The following BRD10 variants were observed in gnomAD, a reference collection of about 807,000 sequenced individuals.
BRD10 encodes uncharacterized bromodomain-containing protein 10.
At chr9:5,937,306 G>A in the BRD10 span, among the ~76,000 whole-genome samples, 1 of 151,978 alleles carries the variant, frequency 6.6e-6, no homozygotes, top group African/African-American at 2.4e-5. Flanking sequence ...GGAGGCCGAG[G>A]CGGGTGGATC....
the BRD10 span, among the ~76,000 whole-genome samples, chr9:5,996,847 T>C: frequency 6.6e-6 from 1 of 152,210 alleles, no homozygotes; most frequent in African/African-American, 2.4e-5. Context: ...TTCCTACTTC[T>C]CAGGAGTTCT....
At chr9:5,997,982 T>A in the BRD10 span, among the ~76,000 whole-genome samples, 117 of 152,236 alleles carry the variant, frequency 7.7e-4, no homozygotes, top group African/African-American at 2.8e-3. Flanking sequence ...GTGGTAACAA[T>A]AGAAAGAAAT....
chr9:5,991,012 C>A, the BRD10 span, among the ~76,000 whole-genome samples: 1 of 152,120 alleles, frequency 6.6e-6, no homozygotes, highest in African/African-American at 2.4e-5. Flanking sequence ...AACATTACAA[C>A]ATGGAAGAGC....
chr9:5,952,153 TG>T, the BRD10 span, among the ~76,000 whole-genome samples: 4 of 152,090 alleles, frequency 2.6e-5, no homozygotes, highest in Non-Finnish European at 5.9e-5. Context: ...CCCGGGTAGA[TG>T]GGATTACAGG....
the BRD10 span, among the ~76,000 whole-genome samples, chr9:5,975,089 C>G: frequency 6.6e-6 from 1 of 152,006 alleles, no homozygotes; most frequent in South Asian, 2.1e-4. Flanking sequence ...GAAAAATGAC[C>G]CATGATGAGA....
At chr9:5,959,949 T>C in the BRD10 span, among the ~76,000 whole-genome samples, 1 of 152,214 alleles carries the variant, frequency 6.6e-6, no homozygotes, top group Non-Finnish European at 1.5e-5. Context: ...TTTCTTTAAT[T>C]GTGCTTCTTC....
the BRD10 span, among the ~76,000 whole-genome samples, chr9:5,993,474 T>G: frequency 6.6e-6 from 1 of 152,176 alleles, no homozygotes; most frequent in Non-Finnish European, 1.5e-5. Flanking sequence ...AAGGGACTAT[T>G]TACAAATGTG....
At chr9:5,907,187 T>C in the BRD10 span, 1 of 364,844 alleles carries the variant, frequency 2.7e-6, no homozygotes, top group Non-Finnish European at 4.8e-6. Flanking sequence ...TAAATAATAA[T>C]AAAAAACAAG....
the BRD10 span, among the ~76,000 whole-genome samples, chr9:6,000,809 C>A: frequency 6.6e-6 from 1 of 152,220 alleles, no homozygotes; most frequent in East Asian, 1.9e-4. Flanking sequence ...AATCATAACC[C>A]TAATCTTTTT....
the BRD10 span, chr9:5,920,217 T>C: frequency 3.1e-6 from 5 of 1,613,826 alleles, no homozygotes; most frequent in East Asian, 8.9e-5. Context: ...CCTTGGCCAC[T>C]GTTAAGAACT....
At chr9:5,879,380 A>G in the BRD10 span, among the ~76,000 whole-genome samples, 2 of 152,126 alleles carry the variant, frequency 1.3e-5, no homozygotes, top group Non-Finnish European at 2.9e-5. Context: ...TCTCAAAAAA[A>G]AAAGAGAGAA....
At chr9:5,928,951 C>G in the BRD10 span, 8 of 632,606 alleles carry the variant, frequency 1.3e-5, no homozygotes, top group African/African-American at 1.3e-4. Context: ...TTACAAATGA[C>G]TGGAAAACTA....
At chr9:5,972,195 G>C in the BRD10 span, among the ~76,000 whole-genome samples, 1 of 152,158 alleles carries the variant, frequency 6.6e-6, no homozygotes, top group Admixed American at 6.5e-5. Flanking sequence ...AAGATATTAG[G>C]AGGGATAGGA....
chr9:5,882,186 T>C, the BRD10 span, among the ~76,000 whole-genome samples: 2 of 152,126 alleles, frequency 1.3e-5, no homozygotes, highest in Non-Finnish European at 2.9e-5. Context: ...ATGGTCACCA[T>C]TTGCCAAATG....
the BRD10 span, chr9:5,969,208 T>C: frequency 1.2e-6 from 2 of 1,613,808 alleles, no homozygotes; most frequent in Non-Finnish European, 1.7e-6. Context: ...TTATTTTCGA[T>C]AGAAAAGCAT....
the BRD10 span, among the ~76,000 whole-genome samples, chr9:5,914,873 A>G: frequency 2.0e-5 from 3 of 152,134 alleles, no homozygotes; most frequent in African/African-American, 7.2e-5. Context: ...GATCATGGAG[A>G]GACACAAATC....
At chr9:5,880,634 ACT>A in the BRD10 span, among the ~76,000 whole-genome samples, 3 of 151,444 alleles carry the variant, frequency 2.0e-5, no homozygotes, top group Admixed American at 6.6e-5. Flanking sequence ...AGAAAACATG[ACT>A]CTGACCTTGG....
the BRD10 span, among the ~76,000 whole-genome samples, chr9:5,943,243 A>C: frequency 6.6e-6 from 1 of 152,190 alleles, no homozygotes; most frequent in Non-Finnish European, 1.5e-5. Context: ...ATGGCTTTAC[A>C]GAAGCCTCTA....
the BRD10 span, chr9:5,898,211 TA>T: frequency 6.6e-6 from 1 of 151,834 alleles, no homozygotes; most frequent in Non-Finnish European, 1.5e-5. Context: ...ACCGGCTAAT[TA>T]AAAAAAAACT....
Sources: allele counts gnomAD v4.1 joint callset (sites outside exome capture counted in the v4.1 genomes callset), GRCh38; gene constraint gnomAD v4.1.1; transcripts MANE v1.5; gene names NCBI Gene and HGNC (gene_info 2026-07-23, HGNC 2026-07-21).